The following SYT14 variants were observed in gnomAD, a reference collection of about 807,000 sequenced individuals.
The protein encoded by SYT14 is synaptotagmin 14, also known as synaptotagmin-14.
Under a neutral mutation model 74.2 loss-of-function variants are expected in SYT14, and 32 were observed. That is an observed-to-expected ratio of 0.43 (90% CI 0.33 to 0.58). The LOEUF is 0.58. Ranked by LOEUF, SYT14 falls within the 20% of genes least tolerant of loss-of-function variation. The pLI, the probability that SYT14 is intolerant of heterozygous loss-of-function variation, is 0.05. For synonymous variants in SYT14, 298 were observed against 337.7 expected, an observed-to-expected ratio of 0.88 and a Z score of 1.29; for missense variants, 791 against 981.8, an observed-to-expected ratio of 0.81 and a Z score of 2.60.
intron 2 of SYT14, among the ~76,000 whole-genome samples, chr1:209,955,892 A>G (rs909085126): frequency 2.6e-5 from 4 of 152,114 alleles, no homozygotes; most frequent in Non-Finnish European, 5.9e-5. Flanking sequence ...TTACCCTCCT[A>G]TGCATTTCTT....
intron 7 of SYT14, among the ~76,000 whole-genome samples, chr1:210,123,395 G>C (rs1439103587): frequency 6.6e-6 from 1 of 152,158 alleles, no homozygotes; most frequent in African/African-American, 2.4e-5. Context: ...CAGAAGGAGA[G>C]AACTAATCTG....
At chr1:210,100,806 T>C (rs2082050757) in intron 7 of SYT14, among the ~76,000 whole-genome samples, 1 of 152,080 alleles carries the variant, frequency 6.6e-6, no homozygotes, top group Non-Finnish European at 1.5e-5. Flanking sequence ...TTTTTCCAGG[T>C]TAAAACTAGG....
At chr1:210,079,291 A>C (rs1052910635) in intron 5 of SYT14, among the ~76,000 whole-genome samples, 1 of 152,148 alleles carries the variant, frequency 6.6e-6, no homozygotes, top group Non-Finnish European at 1.5e-5. Flanking sequence ...GTTCAATAGA[A>C]GCCCAAACCT....
intron 2 of SYT14, among the ~76,000 whole-genome samples, chr1:209,969,544 G>A (rs2079212433): frequency 6.9e-6 from 1 of 144,430 alleles, no homozygotes; most frequent in Non-Finnish European, 1.5e-5. Context: ...CTGGAGTGCA[G>A]TGGCGTGATC....
At chr1:209,990,761 T>A (rs200889114) in intron 2 of SYT14, among the ~76,000 whole-genome samples, 1 of 144,630 alleles carries the variant, frequency 6.9e-6, no homozygotes, top group Admixed American at 7.0e-5. Flanking sequence ...CCATAAAAAA[T>A]TTAAAAAATT....
intron 7 of SYT14, among the ~76,000 whole-genome samples, chr1:210,100,780 A>G (rs1414335233): frequency 6.8e-6 from 1 of 146,566 alleles, no homozygotes; most frequent in Admixed American, 6.9e-5. Flanking sequence ...CAAACTCCTT[A>G]TAGAATTTAT....
intron 1 of SYT14, among the ~76,000 whole-genome samples, chr1:209,950,974 G>T (rs2102674796): frequency 6.6e-6 from 1 of 152,238 alleles, no homozygotes; most frequent in South Asian, 2.1e-4. Flanking sequence ...CTACATGGTA[G>T]TAACTAATAG....
At chr1:209,994,357 A>G (rs2079748423) in intron 2 of SYT14, among the ~76,000 whole-genome samples, 1 of 152,238 alleles carries the variant, frequency 6.6e-6, no homozygotes, top group African/African-American at 2.4e-5. Flanking sequence ...AATCAGAAGT[A>G]TTAACAGCAG....
intron 2 of SYT14, among the ~76,000 whole-genome samples, chr1:209,957,951 C>T (rs945833843): frequency 4.6e-5 from 7 of 151,920 alleles, no homozygotes; most frequent in Non-Finnish European, 8.8e-5. Context: ...CTCCTTCCTT[C>T]TTTCTCTCTG....
intron 7 of SYT14, among the ~76,000 whole-genome samples, chr1:210,117,373 T>C (rs532732462): frequency 6.6e-6 from 1 of 152,284 alleles, no homozygotes; most frequent in African/African-American, 2.4e-5. Flanking sequence ...TCTGTTTTCA[T>C]ATTCAGTATA....
At chr1:210,124,750 C>A (rs542303889) in intron 7 of SYT14, among the ~76,000 whole-genome samples, 2 of 152,172 alleles carry the variant, frequency 1.3e-5, no homozygotes, top group Admixed American at 6.5e-5. Context: ...TTATTTAATC[C>A]CCATTTTACA....
chr1:210,148,976 A>G (rs1337420406), intron 7 of SYT14, among the ~76,000 whole-genome samples: 1 of 152,142 alleles, frequency 6.6e-6, no homozygotes, highest in East Asian at 1.9e-4. Context: ...AAATATACAC[A>G]TATGCCTATA....
chr1:209,941,947 C>G (rs890410218), intron 1 of SYT14, among the ~76,000 whole-genome samples: 2 of 152,122 alleles, frequency 1.3e-5, no homozygotes, highest in African/African-American at 4.8e-5. Context: ...CTTGTAATAC[C>G]TACTATAATG....
chr1:210,162,733 A>T (rs2083398432), exon 10 of SYT14: 1 of 449,800 alleles, frequency 2.2e-6, no homozygotes, highest in Non-Finnish European at 4.4e-6. Context: ...GAAAGGCCTT[A>T]AAAGAAACCC....
In SYT14 at chr1:210,084,901, A is replaced by C. The variant is rs117340110; in HGVS notation, c.1313-9421A>C. ...GCCAAACTAGTGAAAGCATTTGTCA[A>C]ACCTGCAATTCTCTAATCTCCGATG... is the stretch of plus-strand genomic sequence containing the variant. On this transcript the variant is annotated intron_variant, in intron 5 of 9. Coordinates refer to ENST00000637265, the Ensembl canonical transcript of SYT14. Among the ~76,000 whole-genome samples the C allele has an allele frequency of 2.1e-4, 32 of 152,334 alleles. No homozygotes were observed. In the East Asian group the frequency reaches 6.2e-3, roughly 29 times the overall value.
intron 7 of SYT14, among the ~76,000 whole-genome samples, chr1:210,116,740 A>G (rs1473006213): frequency 6.6e-6 from 1 of 152,228 alleles, no homozygotes; most frequent in African/African-American, 2.4e-5. Context: ...TATCTAAAAC[A>G]TAGGTGTTCA....
chr1:210,060,442 A>G (rs1181575050), intron 5 of SYT14, among the ~76,000 whole-genome samples: 1 of 152,108 alleles, frequency 6.6e-6, no homozygotes, highest in African/African-American at 2.4e-5. Context: ...GTTCTTTTAT[A>G]TAGCTACTTT....
intron 2 of SYT14, chr1:209,965,773 G>A (rs2079146965): frequency 2.6e-6 from 1 of 382,634 alleles, no homozygotes; most frequent in Admixed American, 3.3e-5. Flanking sequence ...ATATCTAATT[G>A]TTTCAGCCTC....
chr1:210,161,220 T>G (rs766882030), exon 10 of SYT14: 185 of 726,614 alleles, frequency 2.5e-4, no homozygotes, highest in Non-Finnish European at 4.2e-4. Flanking sequence ...GAAGAAAATA[T>G]GTGTATCTAG....
Sources: gnomAD v4.1 joint callset for allele counts (sites outside exome capture counted in the v4.1 genomes callset) on GRCh38, gnomAD v4.1.1 for gene constraint, MANE v1.5 for transcripts, NCBI Gene and HGNC (gene_info 2026-07-23, HGNC 2026-07-21) for gene names.